SVOPL: variants seen among roughly 807,000 people sequenced by gnomAD.
The protein encoded by SVOPL is SVOP like.
SVOPL carries 60 observed loss-of-function variants against 61.0 expected under a neutral mutation model. The observed-to-expected ratio is 0.98, with a 90% confidence interval of 0.80 to 1.22. The LOEUF (loss-of-function observed/expected upper bound fraction) is 1.22. SVOPL is among the 50% of genes most tolerant of loss of function. The probability of loss-of-function intolerance (pLI) is 0.00; values close to 1 mark genes in which losing one functional copy is unlikely to be tolerated. For synonymous variants in SVOPL, 279 were observed against 250.0 expected (o/e 1.12, Z -1.09); for missense variants, 662 against 643.9 (o/e 1.03, Z -0.30).
At chr7:138,638,439 G>A (rs562811917) in intron 9 of SVOPL, among the ~76,000 whole-genome samples, 1 of 152,116 alleles carries the variant, frequency 6.6e-6, no homozygotes, top group East Asian at 1.9e-4. Flanking sequence ...TGAACAAAGT[G>A]TAACTGAAAT....
Position 138,600,710 on chromosome 7 carries a change from A to G in SVOPL, c.1354-4180T>C, listed in dbSNP as rs1170267088. On this transcript the variant is annotated intron_variant, in intron 14 of 15. Transcript: ENST00000674285. The stretch of plus-strand genomic sequence containing the variant: ...AGACATTTCTCCAAAGAAGCCATAC[A>G]AATGGCCAAGAGGTATATGAAAATG... Among the ~76,000 whole-genome samples, 6 of 152,212 alleles carry G rather than the reference A, an allele frequency of 3.9e-5. No homozygotes were observed. In the East Asian group the frequency reaches 9.6e-4, roughly 24 times the overall value.
chr7:138,656,041 C>CT (rs1801714488), intron 7 of SVOPL, among the ~76,000 whole-genome samples: 1 of 152,058 alleles, frequency 6.6e-6, no homozygotes, highest in South Asian at 2.1e-4. Context: ...TCATTGTTAT[C>CT]TTTTTTTAAG....
At chr7:138,673,232 G>A (rs565853166) in intron 3 of SVOPL, among the ~76,000 whole-genome samples, 26 of 152,296 alleles carry the variant, frequency 1.7e-4, no homozygotes, top group African/African-American at 5.5e-4. Context: ...GTCAGCCAGC[G>A]TGTGGGACTT....
intron 9 of SVOPL, among the ~76,000 whole-genome samples, chr7:138,632,369 G>A (rs750318237): frequency 1.4e-4 from 22 of 152,224 alleles, no homozygotes; most frequent in Admixed American, 2.6e-4. Flanking sequence ...GGGAGGTGGA[G>A]GTTGCAGTGA....
At chr7:138,641,380 G>C (rs1476184458) in intron 9 of SVOPL, among the ~76,000 whole-genome samples, 2 of 151,874 alleles carry the variant, frequency 1.3e-5, no homozygotes, top group African/African-American at 4.8e-5. Flanking sequence ...GCAATGAAAA[G>C]ACAGCCTCAG....
chr7:138,604,537 C>T (rs370047953), intron 14 of SVOPL, among the ~76,000 whole-genome samples: 2 of 151,864 alleles, frequency 1.3e-5, no homozygotes, highest in East Asian at 1.9e-4. Flanking sequence ...GCTAGCCAGG[C>T]GTGGTGGCAG....
intron 3 of SVOPL, among the ~76,000 whole-genome samples, chr7:138,677,640 A>G (rs1156442009): frequency 2.6e-5 from 4 of 152,100 alleles, no homozygotes; most frequent in African/African-American, 9.7e-5. Context: ...GAGATTAACT[A>G]AAAGTCTAGC....
Position 138,622,032 on chromosome 7 carries a change from ATC to A in SVOPL, c.1264-899_1264-898del, listed in dbSNP as rs1799628091. 8.8e-5 allele frequency among the ~76,000 whole-genome samples: 13 copies of A among 147,216 alleles called. No homozygotes were observed. In the South Asian group the frequency reaches 2.8e-3, roughly 32 times the overall value. ...TATCTATCTATGTATCTATCTATCT[ATC>A]TATGTATCTATCTATCTATGTATCT... On this transcript the variant is annotated intron_variant, in intron 13 of 15. Coordinates refer to ENST00000674285, the MANE Select transcript of SVOPL (RefSeq NM_001139456.2).
At chr7:138,621,810 CTATG>C (rs1333882794) in intron 13 of SVOPL, among the ~76,000 whole-genome samples, 25 of 65,740 alleles carry the variant, frequency 3.8e-4, no homozygotes, top group African/African-American at 1.0e-3. Flanking sequence ...ATGTATCTAT[CTATG>C]TATCTATGTA....
Position 138,628,156 on chromosome 7 carries a change from AC to A in SVOPL, c.1069+1del. 6 of 1,614,186 alleles carry A rather than the reference AC, an allele frequency of 3.7e-6. No individual in the cohort carries two copies. The highest frequency in any genetic ancestry group is 5.1e-6 in the Non-Finnish European group (6 of 1,180,028). On this transcript the variant is annotated splice_donor_variant, in intron 11 of 15. Transcript: ENST00000674285. LOFTEE classifies it high-confidence loss of function. Reference sequence around the variant, plus strand: ...AGACCCAACACGCAGAGGGACACTTACAAGCAATTTCACCGATGGTGCTGAT... The same window carrying A: ...AGACCCAACACGCAGAGGGACACTTAAAGCAATTTCACCGATGGTGCTGAT...
rs1475698235 is a variant in SVOPL at position 138,679,036 on chromosome 7, T to A, written c.10A>T (p.Lys4Ter). MAT[K>*]PTEPVTILSL... Reference sequence around the variant, plus strand: ...AGGATCGTGACAGGCTCTGTTGGCTTGGTTGCCATCTTCTAAATAGCTCAA... The same window carrying A: ...AGGATCGTGACAGGCTCTGTTGGCTAGGTTGCCATCTTCTAAATAGCTCAA... The change falls in exon 2 of 16, where the codon AAG (lysine) becomes TAG (stop). Residue 4 changes from lysine (K) to a stop codon, truncating the protein, a stop_gained. Coordinates refer to ENST00000674285, the MANE Select transcript of SVOPL (RefSeq NM_001139456.2). LOFTEE classifies it high-confidence loss of function. 1 of 1,551,426 alleles carries A rather than the reference T, an allele frequency of 6.4e-7. No individual in the cohort carries two copies.
intron 6 of SVOPL, among the ~76,000 whole-genome samples, chr7:138,657,596 T>C (rs1011384767): frequency 6.6e-6 from 1 of 152,190 alleles, no homozygotes; most frequent in Admixed American, 6.5e-5. Context: ...ATTCCATCAG[T>C]TTTCTAATTG....
intron 10 of SVOPL, among the ~76,000 whole-genome samples, chr7:138,629,043 C>CA (rs1800030392): frequency 6.6e-6 from 1 of 151,082 alleles, no homozygotes; most frequent in African/African-American, 2.4e-5. Context: ...TTTAAAACTT[C>CA]AAAAATTTTT....
intron 14 of SVOPL, among the ~76,000 whole-genome samples, chr7:138,600,489 C>T (rs893001128): frequency 1.3e-5 from 2 of 151,498 alleles, no homozygotes; most frequent in Admixed American, 6.6e-5. Context: ...GTACTCCCAG[C>T]TACTCAGAAG....
rs562497363 is a variant in SVOPL at position 138,653,060 on chromosome 7, C to A, written c.534+3388G>T. On this transcript the variant is annotated intron_variant, in intron 7 of 15. Coordinates refer to ENST00000674285, the MANE Select transcript of SVOPL (RefSeq NM_001139456.2). Reference sequence around the variant, plus strand: ...CAAAGTGCCACAACATTCCCTTAAGCCAAAGCCTAATCCACAGCAAGGCCC... The same window carrying A: ...CAAAGTGCCACAACATTCCCTTAAGACAAAGCCTAATCCACAGCAAGGCCC... Among the ~76,000 whole-genome samples, 4 of 152,284 alleles carry A rather than the reference C, an allele frequency of 2.6e-5. No homozygotes were observed. The South Asian group carries it at 8.3e-4, about 32-fold the overall frequency.
rs776461183 is a variant in SVOPL at position 138,700,335 on chromosome 7, CTTTTTTTTTT to C, written c.-35+833_-35+842del. ...TACTCTGTTCTTTGGTTCCGTATGT[CTTTTTTTTTT>C]TTTTTTTTTTTGAGACAGAGTCTTA... is the stretch of plus-strand genomic sequence containing the variant. On this transcript the variant is annotated intron_variant, in intron 1 of 15. Coordinates refer to ENST00000674285, the MANE Select transcript of SVOPL (RefSeq NM_001139456.2). Among the ~76,000 whole-genome samples the C allele has an allele frequency of 9.6e-4, 96 of 99,766 alleles. 3 individuals carry two copies. Among genetic ancestry groups the C allele is most frequent in the Non-Finnish European group, 5.1e-4 (27 of 53,354 alleles). 65.5% of individuals were successfully genotyped at this position (99,766 alleles called of 152,430 possible).
chr7:138,621,858 C>CTATGTATCTATCTATG (rs1563095547), intron 13 of SVOPL, among the ~76,000 whole-genome samples: 3 of 55,194 alleles, frequency 5.4e-5, no homozygotes, highest in Non-Finnish European at 1.2e-4. Context: ...ATCTATCTAT[C>CTATGTATCTATCTATG]TATCTATCTA....
At position 138,649,046 on chromosome 7, in the gene SVOPL, G is replaced by A. The variant is rs753044765; in HGVS notation, c.626C>T (p.Ser209Phe). The change falls in exon 8 of 16, where the codon TCC becomes TTC. Residue 209 changes from serine to phenylalanine, a missense_variant. Ser to Phe is a radical substitution (Grantham distance 155). Transcript: ENST00000674285. ...IGWRWLIRVA[S>F]IPGIILIVAF... is the part of the protein sequence containing the mutation. Reference sequence around the variant, plus strand: ...CACGATGAGGATGATGCCCGGGATGGAGGCGACGCGAATGAGCCAGCGCCA... The same window carrying A: ...CACGATGAGGATGATGCCCGGGATGAAGGCGACGCGAATGAGCCAGCGCCA... The A allele has an allele frequency of 1.9e-6, 3 of 1,613,890 alleles. No homozygotes were observed. In the South Asian group the frequency reaches 3.3e-5, roughly 18 times the overall value.
At chr7:138,677,183 C>T (rs532511803) in intron 3 of SVOPL, among the ~76,000 whole-genome samples, 205 of 152,194 alleles carry the variant, frequency 1.3e-3, no homozygotes, top group African/African-American at 2.9e-3. Context: ...GGATTACAGG[C>T]GTGAGCCACT....
Sources: allele counts gnomAD v4.1 joint callset (sites outside exome capture counted in the v4.1 genomes callset), GRCh38; gene constraint gnomAD v4.1.1; transcripts MANE v1.5; gene names NCBI Gene and HGNC (gene_info 2026-07-23, HGNC 2026-07-21).